Variants in SYNE1 observed in about 807,000 individuals in gnomAD.
SYNE1 encodes spectrin repeat containing nuclear envelope protein 1.
A neutral mutation model predicts 1,111.0 loss-of-function variants in SYNE1; 616 were observed. The observed-to-expected ratio is 0.55, with a 90% confidence interval of 0.52 to 0.59. The LOEUF (loss-of-function observed/expected upper bound fraction) is 0.59. SYNE1 is among the 20% of genes least tolerant of loss of function. The pLI, the probability that SYNE1 is intolerant of heterozygous loss-of-function variation, is 0.00. For synonymous variants in SYNE1, 3,855 were observed against 3,825.8 expected, an observed-to-expected ratio of 1.01 and a Z score of -0.28; for missense variants, 10,006 against 10,417.0, an observed-to-expected ratio of 0.96 and a Z score of 1.72.
rs2092729350 is a variant in SYNE1, at chr6:152,266,688, C to T, written c.18815+1368G>A. ...TTTATTAGCCATGTCAAAACTTTCA[C>T]AGATTTTTGTTTTGTTTTCCTTTTC... On this transcript the variant is annotated intron_variant, in intron 100 of 145. Transcript: ENST00000367255. Among the ~76,000 whole-genome samples the T allele has an allele frequency of 2.6e-5, 4 of 152,290 alleles. No homozygotes were observed. The South Asian group carries it at 8.3e-4, about 32-fold the overall frequency.
chr6:152,601,884 C>A (rs969349705), intron 3 of SYNE1, among the ~76,000 whole-genome samples: 8 of 152,150 alleles, frequency 5.3e-5, no homozygotes, highest in African/African-American at 1.9e-4. Flanking sequence ...AAAAGTGACA[C>A]CTGCCTTTGA....
chr6:152,411,584 A>C (rs2098043644), intron 42 of SYNE1, among the ~76,000 whole-genome samples: 1 of 152,206 alleles, frequency 6.6e-6, no homozygotes, highest in South Asian at 2.1e-4. Flanking sequence ...TACAGATTGC[A>C]AATAACTTAA....
intron 12 of SYNE1, among the ~76,000 whole-genome samples, chr6:152,487,010 T>C (rs1250362461): frequency 6.6e-6 from 1 of 152,226 alleles, no homozygotes; most frequent in Non-Finnish European, 1.5e-5. Flanking sequence ...AAAATGATAA[T>C]GCTGCATCAA....
At chr6:152,547,425 C>A (rs1305474595) in intron 3 of SYNE1, among the ~76,000 whole-genome samples, 1 of 152,202 alleles carries the variant, frequency 6.6e-6, no homozygotes, top group Non-Finnish European at 1.5e-5. Context: ...ATTATATATT[C>A]TGTCACCTGC....
chr6:152,441,732 T>A (rs889252005), intron 31 of SYNE1, among the ~76,000 whole-genome samples: 56 of 152,288 alleles, frequency 3.7e-4, no homozygotes, highest in Middle Eastern at 3.4e-3. Flanking sequence ...GGCATAAATG[T>A]GTGGCTGCAT....
In SYNE1 at chr6:152,350,267, G is replaced by C. The variant is rs762281396; in HGVS notation, c.11802C>G (p.Val3934=). Residue 3934 remains valine (V), a synonymous_variant, in exon 72 of 146, where the codon GTC becomes GTG. Transcript: ENST00000367255. ...HEDYNSELQE[V]EKWLLQMSGR... Reference sequence around the variant, plus strand: ...CAGACATCTGCAGCAGCCACTTTTCGACCTCTTGGAGCTCACTGTTGTAGT... The same window carrying C: ...CAGACATCTGCAGCAGCCACTTTTCCACCTCTTGGAGCTCACTGTTGTAGT... 7 of 1,614,094 alleles carry C rather than the reference G, an allele frequency of 4.3e-6. No homozygotes were observed. In the South Asian group the frequency reaches 5.5e-5, roughly 13 times the overall value.
chr6:152,320,721 T>G (rs2095851018), intron 84 of SYNE1, among the ~76,000 whole-genome samples: 1 of 152,216 alleles, frequency 6.6e-6, no homozygotes, highest in African/African-American at 2.4e-5. Context: ...CTCTTTTCCT[T>G]GGGTGTTTAG....
intron 96 of SYNE1, among the ~76,000 whole-genome samples, chr6:152,282,874 A>T (rs1407947685): frequency 6.6e-6 from 1 of 152,160 alleles, no homozygotes; most frequent in Non-Finnish European, 1.5e-5. Context: ...CTAATCATAT[A>T]ATAGGTAAAA....
At chr6:152,142,253 T>G (rs1351109886) in intron 138 of SYNE1, among the ~76,000 whole-genome samples, 1 of 152,196 alleles carries the variant, frequency 6.6e-6, no homozygotes, top group Non-Finnish European at 1.5e-5. Flanking sequence ...AATCTGCAAT[T>G]TAAAACTCGG....
At chr6:152,521,721 A>G (rs753061763) in intron 5 of SYNE1, among the ~76,000 whole-genome samples, 15 of 152,100 alleles carry the variant, frequency 9.9e-5, no homozygotes, top group Non-Finnish European at 2.2e-4. Context: ...TTGCACCCAT[A>G]TTGTTTTGAA....
In SYNE1 at chr6:152,347,132, A is replaced by C; in HGVS notation, c.12005T>G (p.Leu4002Arg). ...GQCADHLQAKLKQNVHAHLQG... is the reference protein window; with the variant it reads ...GQCADHLQAKRKQNVHAHLQG... ...CAGATGAGCATGCACGTTTTGTTTA[A>C]GTTTCGCTTGCAGGTGGTCTGCACA... Residue 4002 changes from leucine to arginine, a missense_variant, in exon 73 of 146, where the codon CTT (leucine) becomes CGT (arginine). Transcript: ENST00000367255. The C allele has an allele frequency of 2.5e-6, 4 of 1,614,156 alleles. No individual in the cohort carries two copies. Among genetic ancestry groups the C allele is most frequent in the Non-Finnish European group, 3.4e-6 (4 of 1,180,030 alleles).
chr6:152,252,405 T>C (rs2089594466), intron 104 of SYNE1, among the ~76,000 whole-genome samples: 1 of 152,192 alleles, frequency 6.6e-6, no homozygotes, highest in Non-Finnish European at 1.5e-5. Flanking sequence ...CACAATTATA[T>C]GTTTGGGGAA....
chr6:152,438,003 G>A (rs2098490193), intron 32 of SYNE1, among the ~76,000 whole-genome samples: 1 of 152,130 alleles, frequency 6.6e-6, no homozygotes, highest in Admixed American at 6.5e-5. Context: ...GACAGAGTGA[G>A]ACTCTGTCTC....
chr6:152,185,600 G>A (rs1201275971), intron 128 of SYNE1, among the ~76,000 whole-genome samples: 1 of 152,188 alleles, frequency 6.6e-6, no homozygotes, highest in Non-Finnish European at 1.5e-5. Flanking sequence ...TATTAATAAC[G>A]TAAGTACGCT....
Position 152,246,441 on chromosome 6 carries a change from A to G in SYNE1, c.19573-1785T>C, listed in dbSNP as rs75663264. ...CAAAAAGGATCATTCGGAGAACCAA[A>G]GTGAGCTCCGGGAAAATTAAATACG... is the stretch of plus-strand genomic sequence containing the variant. On this transcript the variant is annotated intron_variant, in intron 105 of 145. Coordinates refer to ENST00000367255, the MANE Select transcript of SYNE1 (RefSeq NM_182961.4). Among the ~76,000 whole-genome samples, 1,038 of 152,324 alleles carry G rather than the reference A, an allele frequency of 6.8e-3. 7 individuals are homozygous for G. The highest frequency in any genetic ancestry group is 9.2e-3 in the Admixed American group (140 of 15,290).
intron 3 of SYNE1, among the ~76,000 whole-genome samples, chr6:152,611,481 A>AC (rs751817531): frequency 3.0e-4 from 46 of 152,332 alleles, no homozygotes; most frequent in Admixed American, 1.0e-3. Context: ...ATACAGGAGC[A>AC]CCCAGATTCA....
intron 96 of SYNE1, among the ~76,000 whole-genome samples, 199 bp downstream of exon 96, chr6:152,283,779 C>A (rs2094165365): frequency 6.6e-6 from 1 of 152,186 alleles, no homozygotes; most frequent in African/African-American, 2.4e-5. Flanking sequence ...TCGTGATTCA[C>A]CTGCCTCAGC....
chr6:152,416,229 T>C (rs2098152681), intron 41 of SYNE1, among the ~76,000 whole-genome samples, 158 bp downstream of exon 41: 1 of 152,238 alleles, frequency 6.6e-6, no homozygotes, highest in Admixed American at 6.5e-5. Context: ...GCTGCTTGCA[T>C]GACTCAACTC....
At chr6:152,217,850 T>C (rs73781102) in intron 121 of SYNE1, among the ~76,000 whole-genome samples, 15,644 of 151,948 alleles carry the variant, frequency 0.1, 887 homozygotes, top group Admixed American at 0.17. Flanking sequence ...CAGTCTACTG[T>C]TTGCCAGAGA....
Sources: gnomAD v4.1 joint callset for allele counts (sites outside exome capture counted in the v4.1 genomes callset) on GRCh38, gnomAD v4.1.1 for gene constraint, MANE v1.5 for transcripts, NCBI Gene and HGNC (gene_info 2026-07-23, HGNC 2026-07-21) for gene names.